RANBP17: variants seen among roughly 807,000 people sequenced by gnomAD.
The protein encoded by RANBP17 is RAN binding protein 17.
Under a neutral mutation model 141.2 loss-of-function variants are expected in RANBP17, and 158 were observed. The observed-to-expected ratio is 1.12, with a 90% confidence interval of 0.98 to 1.28. RANBP17 has a LOEUF of 1.28. Ranked by LOEUF, RANBP17 falls within the 50% of genes most tolerant of loss-of-function variation. The pLI is 0.00. For synonymous variants in RANBP17, 430 were observed against 450.0 expected, an observed-to-expected ratio of 0.96 and a Z score of 0.56; for missense variants, 1,438 against 1,290.7, an observed-to-expected ratio of 1.11 and a Z score of -1.75.
chr5:171,198,482 A>G (rs773264026), intron 18 of RANBP17, among the ~76,000 whole-genome samples: 10 of 152,236 alleles, frequency 6.6e-5, no homozygotes, highest in Non-Finnish European at 1.5e-4. Context: ...TGATCCTGCC[A>G]GGACCTCCGT....
At chr5:170,954,343 A>G (rs1775436532) in intron 13 of RANBP17, among the ~76,000 whole-genome samples, 1 of 152,174 alleles carries the variant, frequency 6.6e-6, no homozygotes, top group African/African-American at 2.4e-5. Context: ...CTTTTTAATT[A>G]ACGTGTATGG....
At chr5:171,097,493 A>T (rs1309058711) in intron 14 of RANBP17, among the ~76,000 whole-genome samples, 3 of 151,920 alleles carry the variant, frequency 2.0e-5, no homozygotes, top group Admixed American at 6.6e-5. Flanking sequence ...TGAGTAAACA[A>T]GTCTGTAAAT....
intron 14 of RANBP17, among the ~76,000 whole-genome samples, chr5:171,102,883 T>C (rs1024859997): frequency 6.6e-6 from 1 of 152,166 alleles, no homozygotes; most frequent in East Asian, 1.9e-4. Context: ...TGGAGTTTGC[T>C]GGGGGCCCAC....
chr5:170,996,418 T>C (rs1175831280), intron 14 of RANBP17, among the ~76,000 whole-genome samples: 1 of 152,132 alleles, frequency 6.6e-6, no homozygotes, highest in Non-Finnish European at 1.5e-5. Flanking sequence ...CTTCATGAGA[T>C]TGGTTGTCTT....
At chr5:171,083,192 A>T (rs1251576161) in intron 14 of RANBP17, among the ~76,000 whole-genome samples, 3 of 152,168 alleles carry the variant, frequency 2.0e-5, no homozygotes, top group Non-Finnish European at 4.4e-5. Flanking sequence ...TGCCCTCAAC[A>T]TTCATATGTT....
chr5:171,120,203 G>A (rs1296514136), intron 14 of RANBP17, among the ~76,000 whole-genome samples: 1 of 152,110 alleles, frequency 6.6e-6, no homozygotes. Context: ...CCTGGAACTG[G>A]GAGTGTGGTG....
At chr5:171,151,618 T>C (rs191597472) in intron 14 of RANBP17, among the ~76,000 whole-genome samples, 250 of 152,310 alleles carry the variant, frequency 1.6e-3, no homozygotes, top group African/African-American at 5.6e-3. Context: ...GTGAGGTTAA[T>C]GGTCATTGGT....
chr5:171,057,790 G>A (rs879663114), intron 14 of RANBP17, among the ~76,000 whole-genome samples: 11 of 152,032 alleles, frequency 7.2e-5, no homozygotes, highest in Admixed American at 7.2e-4. Flanking sequence ...CAGGGGTAAT[G>A]CCAGATGCTT....
chr5:170,955,582 GTA>G (rs869169939), intron 13 of RANBP17, among the ~76,000 whole-genome samples: 2,716 of 41,536 alleles, frequency 0.065, 237 homozygotes, highest in East Asian at 0.15. Flanking sequence ...CAGTCTGTGT[GTA>G]TATATATATA....
At chr5:170,911,562 A>T (rs1052107960) in intron 7 of RANBP17, among the ~76,000 whole-genome samples, 5 of 151,692 alleles carry the variant, frequency 3.3e-5, no homozygotes, top group African/African-American at 1.2e-4. Flanking sequence ...TAACTGCCTT[A>T]ACTTTGACTT....
intron 14 of RANBP17, among the ~76,000 whole-genome samples, chr5:171,066,180 C>T (rs533617944): frequency 6.6e-6 from 1 of 152,024 alleles, no homozygotes; most frequent in African/African-American, 2.4e-5. Flanking sequence ...TTTTTATTTT[C>T]AGTTTGAAAT....
Position 171,078,049 on chromosome 5 carries a change from G to T in RANBP17, c.1711-92081G>T, listed in dbSNP as rs184994831. ...TGGAGCAGCAAGTGCTGGTGGAGAAGTTGCGGCAGGTTGTCCAAAAGAGCT... is the reference window on the plus strand; with the variant it reads ...TGGAGCAGCAAGTGCTGGTGGAGAATTTGCGGCAGGTTGTCCAAAAGAGCT... On this transcript the variant is annotated intron_variant, in intron 14 of 27. Transcript: ENST00000523189. Among the ~76,000 whole-genome samples, 9 of 152,284 alleles carry T rather than the reference G, an allele frequency of 5.9e-5. 1 individual carries two copies. The highest frequency in any genetic ancestry group is 5.9e-4 in the Admixed American group (9 of 15,298).
At chr5:170,975,255 G>A (rs1466546640) in intron 14 of RANBP17, among the ~76,000 whole-genome samples, 2 of 152,204 alleles carry the variant, frequency 1.3e-5, no homozygotes, top group Non-Finnish European at 2.9e-5. Flanking sequence ...CCAGCTGGGC[G>A]TGGTGGCTCA....
chr5:171,293,384 A>G (rs1448556409), intron 25 of RANBP17, among the ~76,000 whole-genome samples: 1 of 152,222 alleles, frequency 6.6e-6, no homozygotes, highest in African/African-American at 2.4e-5. Context: ...GTGAAGAGAA[A>G]CCTCGAACAG....
intron 18 of RANBP17, among the ~76,000 whole-genome samples, chr5:171,185,783 A>G (rs1260698680): frequency 3.9e-5 from 6 of 152,176 alleles, no homozygotes; most frequent in Non-Finnish European, 2.9e-5. Flanking sequence ...AATTCCTGTT[A>G]ATGTTGATAT....
intron 20 of RANBP17, among the ~76,000 whole-genome samples, chr5:171,209,249 T>G (rs571628151): frequency 6.6e-6 from 1 of 152,132 alleles, no homozygotes; most frequent in Non-Finnish European, 1.5e-5. Context: ...GAGTCAGTAG[T>G]GAAGATGTTT....
At chr5:171,083,815 T>A (rs532748042) in intron 14 of RANBP17, among the ~76,000 whole-genome samples, 1 of 152,148 alleles carries the variant, frequency 6.6e-6, no homozygotes, top group Non-Finnish European at 1.5e-5. Context: ...AAGGGGGAGT[T>A]TCCTTACATA....
At chr5:171,273,178 C>G (rs1767239459) in intron 25 of RANBP17, among the ~76,000 whole-genome samples, 1 of 152,220 alleles carries the variant, frequency 6.6e-6, no homozygotes, top group Non-Finnish European at 1.5e-5. Flanking sequence ...TCCAGCACAT[C>G]TCTCTTCATT....
At chr5:170,987,508 T>C (rs758420703) in intron 14 of RANBP17, among the ~76,000 whole-genome samples, 4 of 149,938 alleles carry the variant, frequency 2.7e-5, no homozygotes, top group Non-Finnish European at 4.5e-5. Flanking sequence ...GCTCAATACA[T>C]ATATAATACA....
Sources: allele counts gnomAD v4.1 joint callset (sites outside exome capture counted in the v4.1 genomes callset), GRCh38; gene constraint gnomAD v4.1.1; transcripts MANE v1.5; gene names NCBI Gene and HGNC (gene_info 2026-07-23, HGNC 2026-07-21).